The following SMG6 variants were observed in gnomAD, a reference collection of about 807,000 sequenced individuals.
SMG6 encodes the protein SMG6 nonsense mediated mRNA decay factor, also known as telomerase-binding protein EST1A.
SMG6 carries 66 observed loss-of-function variants against 142.2 expected under a neutral mutation model. The ratio of observed to expected loss-of-function variants is 0.46; its 90% CI spans 0.38 to 0.57. The LOEUF (loss-of-function observed/expected upper bound fraction) is 0.57, where lower values mean the gene tolerates loss of function less well. Ranked by LOEUF, SMG6 falls within the 20% of genes least tolerant of loss-of-function variation. The pLI is 0.00. For missense variants in SMG6, 1,793 were observed against 1,832.0 expected, an observed-to-expected ratio of 0.98 and a Z score of 0.39; for synonymous variants, 779 against 702.4, an observed-to-expected ratio of 1.11 and a Z score of -1.72.
At chr17:2,269,883 G>A (rs969927835) in intron 8 of SMG6, among the ~76,000 whole-genome samples, 13 of 152,134 alleles carry the variant, frequency 8.5e-5, no homozygotes, top group African/African-American at 3.1e-4. Flanking sequence ...AGGACTTCAG[G>A]CCAGGCATGG....
intron 8 of SMG6, among the ~76,000 whole-genome samples, chr17:2,266,695 C>T (rs747118448): frequency 2.0e-5 from 3 of 152,116 alleles, no homozygotes; most frequent in Non-Finnish European, 4.4e-5. Flanking sequence ...TGAAACAAAA[C>T]GGATAGGATA....
chr17:2,077,311 G>A (rs1044311161), intron 15 of SMG6, among the ~76,000 whole-genome samples: 11 of 152,214 alleles, frequency 7.2e-5, no homozygotes, highest in African/African-American at 2.7e-4. Context: ...ATGATGGCAG[G>A]TCCACAAATG....
chr17:2,227,945 T>C (rs552162739), intron 10 of SMG6, among the ~76,000 whole-genome samples: 14 of 152,208 alleles, frequency 9.2e-5, no homozygotes, highest in Non-Finnish European at 1.3e-4. Context: ...GCTACACATA[T>C]GAACATGGAC....
At chr17:2,282,351 T>G (rs1016382019) in intron 8 of SMG6, among the ~76,000 whole-genome samples, 1 of 113,270 alleles carries the variant, frequency 8.8e-6, no homozygotes, top group Non-Finnish European at 1.7e-5. Context: ...CCACATAGAA[T>G]CCTAAAGCAT....
chr17:2,127,914 C>T (rs2069954511), intron 13 of SMG6: 5 of 567,326 alleles, frequency 8.8e-6, no homozygotes, highest in East Asian at 4.7e-5. Context: ...CGTTGGCCTC[C>T]AGTACCTGGA....
chr17:2,212,794 G>C (rs550479690), intron 10 of SMG6: 1 of 152,182 alleles, frequency 6.6e-6, no homozygotes, highest in Non-Finnish European at 1.5e-5. Flanking sequence ...GGCTTAACCG[G>C]GACCTACTCA....
intron 12 of SMG6, among the ~76,000 whole-genome samples, chr17:2,173,889 T>C (rs974252667): frequency 7.8e-6 from 1 of 127,576 alleles, no homozygotes; most frequent in African/African-American, 2.9e-5. Flanking sequence ...CCAGGGATAC[T>C]ACAAATTGTG....
intron 10 of SMG6, among the ~76,000 whole-genome samples, chr17:2,206,207 C>CAT (rs539241772): frequency 1.3e-4 from 19 of 151,944 alleles, no homozygotes; most frequent in Admixed American, 4.6e-4. Context: ...AAACAAAATA[C>CAT]ATATATATAT....
intron 6 of SMG6, among the ~76,000 whole-genome samples, chr17:2,291,882 A>G (rs1272392310): frequency 6.7e-6 from 1 of 150,032 alleles, no homozygotes; most frequent in Non-Finnish European, 1.5e-5. Flanking sequence ...GAGAGAGACA[A>G]TTTTCTCCTT....
At chr17:2,094,629 A>G (rs187855272) in intron 13 of SMG6, among the ~76,000 whole-genome samples, 1 of 152,036 alleles carries the variant, frequency 6.6e-6, no homozygotes, top group African/African-American at 2.4e-5. Flanking sequence ...AAGGAATCCC[A>G]CTGCCTTAGC....
intron 13 of SMG6, among the ~76,000 whole-genome samples, chr17:2,127,102 G>C (rs1362538323): frequency 7.3e-6 from 1 of 137,148 alleles, no homozygotes; most frequent in Non-Finnish European, 1.5e-5. Flanking sequence ...TGGTGACACT[G>C]CACTCCAGCC....
At chr17:2,148,835 G>A (rs1039221825) in intron 13 of SMG6, among the ~76,000 whole-genome samples, 1 of 151,040 alleles carries the variant, frequency 6.6e-6, no homozygotes, top group Non-Finnish European at 1.5e-5. Flanking sequence ...CTCCAACCTG[G>A]GAGGCAGAGT....
chr17:2,238,901 A>G (rs192485741), intron 9 of SMG6, among the ~76,000 whole-genome samples: 15 of 149,810 alleles, frequency 1.0e-4, no homozygotes, highest in East Asian at 3.9e-4. Flanking sequence ...GCAGAAGGAT[A>G]TAAGTTAGAG....
At chr17:2,097,039 C>T (rs2068874596) in intron 13 of SMG6, among the ~76,000 whole-genome samples, 2 of 152,210 alleles carry the variant, frequency 1.3e-5, no homozygotes, top group South Asian at 4.1e-4. Flanking sequence ...CCTCTAAATA[C>T]CCCTCAGTGA....
At position 2,292,516 on chromosome 17, in the gene SMG6, G is replaced by A. The variant is rs765827546; in HGVS notation, c.2337+36C>T. 10 of 1,596,820 alleles carry A rather than the reference G, an allele frequency of 6.3e-6. No individual in the cohort carries two copies. In the African/African-American group the frequency reaches 9.4e-5, roughly 15 times the overall value. On this transcript the variant is annotated intron_variant, in intron 6 of 18. Transcript: ENST00000263073. ...AACTCCATATTGTAAGATACTTCCT[G>A]CAAAGCACTTTTCCCCTGTCCACAG...
chr17:2,065,634 T>C lies in SMG6; in HGVS notation c.3881A>G (p.His1294Arg), dbSNP rs150326392. ...CACACGGGCGTAGCCCCCAGCCCGG[T>C]GGTCTGTCTCCTGCCCCTTGGCCAG... is the stretch of plus-strand genomic sequence containing the variant. ...DGLAKGQETD[H>R]RAGGYARVVQ... is the part of the protein sequence containing the mutation. Residue 1294 changes from histidine to arginine, a missense_variant, in exon 17 of 19, where the codon CAC becomes CGC. Around this residue, in one of 3 missense-constraint regions of SMG6, gnomAD observed 179 missense variants for 212.6 expected, o/e 0.84. Coordinates refer to ENST00000263073, the MANE Select transcript of SMG6 (RefSeq NM_017575.5). 1.3e-3 allele frequency: 2,029 copies of C among 1,613,904 alleles called. 5 individuals are homozygous for C. The highest frequency in any genetic ancestry group is 1.5e-3 in the Non-Finnish European group (1,770 of 1,180,022).
chr17:2,072,557 CT>C (rs1365035438), intron 15 of SMG6, among the ~76,000 whole-genome samples: 1 of 152,164 alleles, frequency 6.6e-6, no homozygotes, highest in East Asian at 1.9e-4. Context: ...CCAGGAAAAA[CT>C]TTTGCAGGTT....
intron 13 of SMG6, among the ~76,000 whole-genome samples, chr17:2,145,643 CAAAAAAAAAAA>C (rs61451940): frequency 8.4e-5 from 2 of 23,776 alleles, no homozygotes; most frequent in Admixed American, 6.3e-4. Flanking sequence ...TCCATCTCCC[CAAAAAAAAAAA>C]AAAAAAAAAA....
chr17:2,119,151 G>A (rs755018853), intron 13 of SMG6, among the ~76,000 whole-genome samples: 31 of 151,368 alleles, frequency 2.0e-4, no homozygotes, highest in Admixed American at 2.6e-4. Context: ...TCCGTCTCCC[G>A]GGTTCAAGCA....
Sources: allele counts gnomAD v4.1 joint callset (sites outside exome capture counted in the v4.1 genomes callset), GRCh38; gene constraint gnomAD v4.1.1; regional missense constraint gnomAD v4.1.1; transcripts MANE v1.5; gene names NCBI Gene and HGNC (gene_info 2026-07-23, HGNC 2026-07-21).